CPB2: variants seen among roughly 807,000 people sequenced by gnomAD.
CPB2 encodes carboxypeptidase B-like protein.
CPB2 carries 54 observed loss-of-function variants against 57.0 expected under a neutral mutation model. That is an observed-to-expected ratio of 0.95 (90% CI 0.76 to 1.19). The LOEUF (loss-of-function observed/expected upper bound fraction) is 1.19, where lower values mean the gene tolerates loss of function less well. Among genes scored for constraint, CPB2 ranks in the 50% most tolerant of loss-of-function variants. The pLI, the probability that CPB2 is intolerant of heterozygous loss-of-function variation, is 0.00. For missense variants in CPB2, 426 were observed against 512.0 expected (o/e 0.83, Z 1.62); for synonymous variants, 189 against 178.1 (o/e 1.06, Z -0.49).
In CPB2 at chr13:46,084,267, T is replaced by A; in HGVS notation, c.227A>T (p.Asp76Val). ...TAAATGGGCTTTCACATTGTCGACA[T>A]CAGATGCATTTACAAAAAAATGGAC... ...KQVHFFVNAS[D>V]VDNVKAHLNV... The change falls in exon 3 of 11, where the codon GAT (aspartate) becomes GTT (valine). Residue 76 changes from aspartate to valine, a missense_variant. Asp to Val is a radical substitution (Grantham distance 152). Transcript: ENST00000181383. 6.2e-7 allele frequency: 1 copy of A among 1,614,166 alleles called. No individual in the cohort carries two copies. Among genetic ancestry groups the A allele is most frequent in the Non-Finnish European group, 8.5e-7 (1 of 1,180,032 alleles).
chr13:46,055,445 C>T (rs2044684745), intron 10 of CPB2, among the ~76,000 whole-genome samples: 1 of 152,150 alleles, frequency 6.6e-6, no homozygotes, highest in African/African-American at 2.4e-5. Context: ...CATGGTGGCC[C>T]TGGGAATCAT....
chr13:46,056,056 TA>T (rs1433453844), intron 9 of CPB2, among the ~76,000 whole-genome samples: 1 of 151,968 alleles, frequency 6.6e-6, no homozygotes. Context: ...GCTTTAAACA[TA>T]AACTATTTCA....
intron 9 of CPB2, among the ~76,000 whole-genome samples, chr13:46,057,042 A>G (rs981475939): frequency 6.6e-6 from 1 of 152,146 alleles, no homozygotes; most frequent in African/African-American, 2.4e-5. Context: ...CTCCCTAACC[A>G]TAACACATTC....
chr13:46,100,656 C>G (rs1270833951), intron 1 of CPB2: 3 of 152,178 alleles, frequency 2.0e-5, no homozygotes, highest in Non-Finnish European at 4.4e-5. Context: ...CCTGGCTTCT[C>G]CTGATAAAGC....
chr13:46,083,762 G>A (rs78038227), intron 3 of CPB2, among the ~76,000 whole-genome samples: 2,106 of 152,264 alleles, frequency 0.014, 45 homozygotes, highest in African/African-American at 0.047. Flanking sequence ...AGACTAACCC[G>A]AGGTCTCTGC....
rs1047433724 is a variant in CPB2 at position 46,053,346 on chromosome 13, T to C, written c.*268A>G. On this transcript the variant is annotated 3_prime_UTR_variant, in exon 11 of 11. Coordinates refer to ENST00000181383, the MANE Select transcript of CPB2 (RefSeq NM_001872.5). Reference sequence around the variant, plus strand: ...GAGATGGCTAGTCAAACGTCGAAACTTGCTTGAGATGGCTAGTCAAACGTC... The same window carrying C: ...GAGATGGCTAGTCAAACGTCGAAACCTGCTTGAGATGGCTAGTCAAACGTC... 1.6e-5 allele frequency: 5 copies of C among 314,250 alleles called. No homozygotes were observed. Among genetic ancestry groups the C allele is most frequent in the Non-Finnish European group, 2.9e-5 (5 of 173,490 alleles). 19.5% of individuals were successfully genotyped at this position (314,250 alleles called of 1,614,324 possible).
chr13:46,087,124 A>G (rs2139402781), intron 2 of CPB2, among the ~76,000 whole-genome samples: 1 of 152,092 alleles, frequency 6.6e-6, no homozygotes, highest in African/African-American at 2.4e-5. Flanking sequence ...CTGGCCCCCA[A>G]GAGCACAGGG....
At chr13:46,104,565 A>G (rs1405953580) in intron 1 of CPB2, among the ~76,000 whole-genome samples, 1 of 152,236 alleles carries the variant, frequency 6.6e-6, no homozygotes, top group African/African-American at 2.4e-5. Context: ...CAAGGGGAAA[A>G]TAAATGATCC....
intron 7 of CPB2, 120 bp downstream of exon 7, chr13:46,067,187 G>A: frequency 2.3e-6 from 1 of 435,992 alleles, no homozygotes; most frequent in Middle Eastern, 3.6e-4. Flanking sequence ...CACAATAAAA[G>A]TTAAAAAAAA....
intron 7 of CPB2, among the ~76,000 whole-genome samples, chr13:46,065,674 T>C (rs2044844810): frequency 6.7e-6 from 1 of 149,742 alleles, no homozygotes; most frequent in South Asian, 2.1e-4. Flanking sequence ...TTCATTTAAG[T>C]TCTGAGTTTG....
chr13:46,089,599 C>T (rs755810183), intron 1 of CPB2, among the ~76,000 whole-genome samples: 214 of 152,150 alleles, frequency 1.4e-3, no homozygotes, highest in Middle Eastern at 3.4e-3. Flanking sequence ...GTTTGTGTCC[C>T]CCCAAAATTC....
At position 46,084,324 on chromosome 13, in the gene CPB2, AC is replaced by A; in HGVS notation, c.169del (p.Val57Ter). On this transcript the variant is annotated frameshift_variant, in exon 3 of 11. Coordinates refer to ENST00000181383, the MANE Select transcript of CPB2 (RefSeq NM_001872.5). LOFTEE classifies it high-confidence loss of function. ...TTYEIVLWQP[V>X]TADLIVKKKQ... ...TTTCTTCACAATAAGGTCAGCTGTTACCGGCTGCCAGAGAACAATCTACAGT... is the reference window on the plus strand; with the variant it reads ...TTTCTTCACAATAAGGTCAGCTGTTACGGCTGCCAGAGAACAATCTACAGT... 2 of 1,614,152 alleles carry A rather than the reference AC, an allele frequency of 1.2e-6. No individual in the cohort carries two copies. Among genetic ancestry groups the A allele is most frequent in the Non-Finnish European group, 1.7e-6 (2 of 1,180,006 alleles).
chr13:46,082,463 T>C lies in CPB2; in HGVS notation c.362A>G (p.Glu121Gly), dbSNP rs1195464145. The change falls in exon 4 of 11, where the codon GAA (glutamate) becomes GGA (glycine). Residue 121 changes from glutamate to glycine, a missense_variant. Glu to Gly is a moderately conservative substitution (Grantham distance 98). Coordinates refer to ENST00000181383, the MANE Select transcript of CPB2 (RefSeq NM_001872.5). ...VSPRASASYY[E>G]QYHSLNEIYS... Reference sequence around the variant, plus strand: ...TACTTCATTTAGTGAGTGATACTGTTCATAGTACGATGCGGAGGCTCGGGG... The same window carrying C: ...TACTTCATTTAGTGAGTGATACTGTCCATAGTACGATGCGGAGGCTCGGGG... 1.9e-6 allele frequency: 3 copies of C among 1,612,026 alleles called. No individual in the cohort carries two copies. The African/African-American group carries it at 4.0e-5, about 22-fold the overall frequency.
At chr13:46,068,308 G>A (rs2044885888) in intron 6 of CPB2, among the ~76,000 whole-genome samples, 1 of 151,964 alleles carries the variant, frequency 6.6e-6, no homozygotes, top group South Asian at 2.1e-4. Flanking sequence ...ATAAAAACAA[G>A]CCTTTTATAA....
intron 1 of CPB2, among the ~76,000 whole-genome samples, chr13:46,092,773 G>A (rs919020852): frequency 1.3e-5 from 2 of 152,194 alleles, no homozygotes; most frequent in African/African-American, 2.4e-5. Context: ...GGGAAGTTAT[G>A]TTCATCCTTC....
At chr13:46,067,933 A>G (rs953505044) in intron 6 of CPB2, among the ~76,000 whole-genome samples, 1 of 152,200 alleles carries the variant, frequency 6.6e-6, no homozygotes, top group Non-Finnish European at 1.5e-5. Context: ...AGCTTTTCCT[A>G]GGAACTGGCT....
At chr13:46,056,265 G>T (rs1047356782) in intron 9 of CPB2, among the ~76,000 whole-genome samples, 1 of 152,104 alleles carries the variant, frequency 6.6e-6, no homozygotes, top group African/African-American at 2.4e-5. Context: ...CCTAATGCAT[G>T]CATGACTCAC....
intron 8 of CPB2, among the ~76,000 whole-genome samples, chr13:46,060,690 G>C (rs1265189357): frequency 1.3e-5 from 2 of 152,118 alleles, no homozygotes; most frequent in East Asian, 1.9e-4. Context: ...GCCACATGTG[G>C]TTAGTGGCTA....
intron 2 of CPB2, among the ~76,000 whole-genome samples, 166 bp downstream of exon 2, chr13:46,087,579 A>G (rs1392444277): frequency 6.6e-6 from 1 of 152,240 alleles, no homozygotes; most frequent in Non-Finnish European, 1.5e-5. Context: ...AGAAGTGTTG[A>G]TTTGGGGAAC....
Sources: allele counts gnomAD v4.1 joint callset (sites outside exome capture counted in the v4.1 genomes callset), GRCh38; gene constraint gnomAD v4.1.1; transcripts MANE v1.5; gene names NCBI Gene and HGNC (gene_info 2026-07-23, HGNC 2026-07-21).